The following ABHD3 variants were observed in gnomAD, a reference collection of about 807,000 sequenced individuals.
ABHD3 encodes the protein phospholipase ABHD3.
Under a neutral mutation model 48.8 loss-of-function variants are expected in ABHD3, and 46 were observed. That is an observed-to-expected ratio of 0.94 (90% CI 0.74 to 1.20). The LOEUF is 1.20. ABHD3 is among the 50% of genes most tolerant of loss of function. The probability of loss-of-function intolerance (pLI) is 0.00; values close to 1 mark genes in which losing one functional copy is unlikely to be tolerated. For missense variants in ABHD3, 490 were observed against 497.8 expected, an observed-to-expected ratio of 0.98 and a Z score of 0.15; for synonymous variants, 192 against 183.7, an observed-to-expected ratio of 1.04 and a Z score of -0.36.
At chr18:21,694,525 G>T (rs549738035) in intron 3 of ABHD3, among the ~76,000 whole-genome samples, 103 of 152,302 alleles carry the variant, frequency 6.8e-4, no homozygotes, top group African/African-American at 2.3e-3. Context: ...AAGAATAAGA[G>T]ATCCTAATTC....
At position 21,703,570 on chromosome 18, in the gene ABHD3, G is replaced by C. The variant is rs2040563484; in HGVS notation, c.326+14C>G. 6 of 1,588,432 alleles carry C rather than the reference G, an allele frequency of 3.8e-6. No individual in the cohort carries two copies. In the Admixed American group the frequency reaches 1.0e-4, roughly 27 times the overall value. ...TGATTTTGCAGAAATGACTGAAAAC[G>C]GAAATTCACTTACTTCCTGTACTGC... On this transcript the variant is annotated intron_variant, in intron 2 of 8. Coordinates refer to ENST00000289119, the MANE Select transcript of ABHD3 (RefSeq NM_138340.5).
chr18:21,661,087 A>G (rs571750297), intron 5 of ABHD3, among the ~76,000 whole-genome samples: 1 of 150,536 alleles, frequency 6.6e-6, no homozygotes, highest in African/African-American at 2.5e-5. Context: ...TCACCAAAAG[A>G]AAAAAACTAC....
At chr18:21,662,580 A>G (rs2039527142) in intron 5 of ABHD3, among the ~76,000 whole-genome samples, 1 of 152,184 alleles carries the variant, frequency 6.6e-6, no homozygotes, top group Non-Finnish European at 1.5e-5. Flanking sequence ...ACCCCAGTCC[A>G]TGGGGCACTG....
At chr18:21,680,854 G>GTGTA (rs200692766) in intron 4 of ABHD3, among the ~76,000 whole-genome samples, 15,845 of 124,578 alleles carry the variant, frequency 0.13, 2,821 homozygotes, top group African/African-American at 0.43. Context: ...TTTTTCAAAT[G>GTGTA]TGTGTGTGTG....
At chr18:21,703,432 G>A in intron 2 of ABHD3, 152 bp downstream of exon 2, 5 of 929,224 alleles carry the variant, frequency 5.4e-6, no homozygotes, top group Non-Finnish European at 7.5e-6. Context: ...GCTGGGGGTG[G>A]AGCCGGGGAC....
rs1370153665 is a variant in ABHD3, at chr18:21,683,923, G to A, written c.552C>T (p.Leu184=). 6.3e-7 allele frequency: 1 copy of A among 1,594,456 alleles called. No individual in the cohort carries two copies. The highest frequency in any genetic ancestry group is 8.5e-7 in the Non-Finnish European group (1 of 1,169,750). ...FNNRGVAGEN[L]LTPRTYCCAN... ...GTTGTCATTTAAATTTACTTACCAA[G>A]AGATTCTCCCCCGCCACTCCTCTGT... The change falls in exon 4 of 9, where the codon CTC becomes CTT. Residue 184 remains leucine, a synonymous_variant. Coordinates refer to ENST00000289119, the MANE Select transcript of ABHD3 (RefSeq NM_138340.5).
chr18:21,659,162 T>C lies in ABHD3; in HGVS notation c.842+8A>G. ...CCCTGGAGACAACAGATTTTAAAGA[T>C]GACTCACTTATTAACTGAAGACTGA... is the stretch of plus-strand genomic sequence containing the variant. On this transcript the variant is annotated splice_region_variant and intron_variant, in intron 6 of 8. Transcript: ENST00000289119. 6.2e-7 allele frequency: 1 copy of C among 1,610,220 alleles called. No homozygotes were observed. The highest frequency in any genetic ancestry group is 1.7e-4 in the Middle Eastern group (1 of 6,032).
intron 4 of ABHD3, among the ~76,000 whole-genome samples, chr18:21,679,178 A>G (rs1051925854): frequency 3.3e-5 from 5 of 152,170 alleles, no homozygotes; most frequent in African/African-American, 1.2e-4. Context: ...ACATTAAATT[A>G]TTTCTGGAAC....
At chr18:21,668,098 G>C (rs2039675940) in intron 4 of ABHD3, among the ~76,000 whole-genome samples, 1 of 148,702 alleles carries the variant, frequency 6.7e-6, no homozygotes, top group Non-Finnish European at 1.5e-5. Flanking sequence ...CTACTCAGGA[G>C]GCTGAGGCAG....
chr18:21,691,787 A>G (rs1040494525), intron 3 of ABHD3, among the ~76,000 whole-genome samples: 1 of 152,206 alleles, frequency 6.6e-6, no homozygotes, highest in Non-Finnish European at 1.5e-5. Context: ...ATGCATTATC[A>G]TATTAAGCAA....
chr18:21,687,215 T>C (rs967597975), intron 3 of ABHD3, among the ~76,000 whole-genome samples: 1 of 152,014 alleles, frequency 6.6e-6, no homozygotes, highest in Admixed American at 6.6e-5. Flanking sequence ...CAGCCTGTTT[T>C]TATTTTTTTT....
intron 1 of ABHD3, 193 bp from the exon 2 acceptor site, chr18:21,703,940 G>C (rs2040575361): frequency 3.4e-6 from 2 of 584,052 alleles, no homozygotes; most frequent in Admixed American, 3.0e-5. Context: ...AGGGGAAGGC[G>C]AGAATCGCGA....
intron 4 of ABHD3, among the ~76,000 whole-genome samples, chr18:21,672,398 C>T (rs566288967): frequency 4.6e-5 from 7 of 152,228 alleles, no homozygotes; most frequent in South Asian, 4.1e-4. Flanking sequence ...TTCTGTCCAG[C>T]AAAGTGAAAT....
At chr18:21,703,225 C>A (rs987469341) in intron 2 of ABHD3, among the ~76,000 whole-genome samples, 4 of 130,914 alleles carry the variant, frequency 3.1e-5, no homozygotes, top group African/African-American at 5.5e-5. Context: ...CCCACCCCCC[C>A]CCCCAGTATC....
rs566079568 is a variant in ABHD3 at position 21,692,706 on chromosome 18, G to A, written c.510-8741C>T. Among the ~76,000 whole-genome samples, 9 of 152,208 alleles carry A rather than the reference G, an allele frequency of 5.9e-5. No homozygotes were observed. In the South Asian group the frequency reaches 8.3e-4, roughly 14 times the overall value. ...GATCTTATTCTATTTTATTGCAGTC[G>A]TTTCCCTTCTCTGCTTTAGCTGTGA... On this transcript the variant is annotated intron_variant, in intron 3 of 8. Coordinates refer to ENST00000289119, the MANE Select transcript of ABHD3 (RefSeq NM_138340.5).
At chr18:21,653,955 C>T (rs529445435) in intron 8 of ABHD3, among the ~76,000 whole-genome samples, 11 of 151,612 alleles carry the variant, frequency 7.3e-5, no homozygotes, top group African/African-American at 2.7e-4. Context: ...AAGCAATTCT[C>T]CTGCCTCAGC....
intron 2 of ABHD3, among the ~76,000 whole-genome samples, chr18:21,703,298 G>A (rs1257247696): frequency 7.4e-6 from 1 of 135,292 alleles, no homozygotes; most frequent in Non-Finnish European, 1.5e-5. Context: ...ACAGATGTAT[G>A]ACAAACTGCG....
intron 3 of ABHD3, among the ~76,000 whole-genome samples, chr18:21,695,002 A>G (rs9966717): frequency 0.28 from 43,240 of 151,990 alleles, 7,635 homozygotes; most frequent in African/African-American, 0.5. Context: ...CCCAATTTTA[A>G]TTGGGACATG....
chr18:21,682,133 T>C (rs570473330), intron 4 of ABHD3: 1 of 152,336 alleles, frequency 6.6e-6, no homozygotes, highest in South Asian at 2.1e-4. Context: ...CAAGACCCTG[T>C]CTCCAAAAGG....
Sources: gnomAD v4.1 joint callset for allele counts (sites outside exome capture counted in the v4.1 genomes callset) on GRCh38, gnomAD v4.1.1 for gene constraint, MANE v1.5 for transcripts, NCBI Gene and HGNC (gene_info 2026-07-23, HGNC 2026-07-21) for gene names.